CAMTA1: variants seen among roughly 807,000 people sequenced by gnomAD.
CAMTA1 encodes the protein calmodulin-binding transcription activator 1.
A neutral mutation model predicts 170.9 loss-of-function variants in CAMTA1; 27 were observed. That is an observed-to-expected ratio of 0.16 (90% CI 0.12 to 0.22). The LOEUF is 0.22. CAMTA1 is among the 10% of genes least tolerant of loss of function. The pLI, the probability that CAMTA1 is intolerant of heterozygous loss-of-function variation, is 1.00. For missense variants in CAMTA1, 1,619 were observed against 2,217.2 expected, an observed-to-expected ratio of 0.73 and a Z score of 5.42; for synonymous variants, 833 against 891.5, an observed-to-expected ratio of 0.93 and a Z score of 1.17.
intron 4 of CAMTA1, among the ~76,000 whole-genome samples, chr1:7,181,427 G>C (rs906689716): frequency 6.6e-6 from 1 of 152,228 alleles, no homozygotes; most frequent in African/African-American, 2.4e-5. Context: ...ATGAATATTA[G>C]AAAAGAAGAA....
rs919827773 is a variant in CAMTA1 at position 7,746,022 on chromosome 1, G to T, written c.4548G>T (p.Leu1516=). 3 of 1,614,052 alleles carry T rather than the reference G, an allele frequency of 1.9e-6. No homozygotes were observed. The Admixed American group carries it at 5.0e-5, about 27-fold the overall frequency. Residue 1516 remains leucine, a synonymous_variant, in exon 18 of 23, where the codon CTG becomes CTT. Coordinates refer to ENST00000303635, the MANE Select transcript of CAMTA1 (RefSeq NM_015215.4). Reference sequence around the variant, plus strand: ...AGAATGAGTTTGCTCAGCTCACTCTGTCTGATCATGAACAGAGAGAACTCT... The same window carrying T: ...AGAATGAGTTTGCTCAGCTCACTCTTTCTGATCATGAACAGAGAGAACTCT... ...KVENEFAQLT[L]SDHEQRELYE...
chr1:7,745,716 G>A (rs576046686), intron 17 of CAMTA1, 129 bp from the exon 18 acceptor site: 19 of 1,093,278 alleles, frequency 1.7e-5, no homozygotes, highest in Admixed American at 9.5e-5. Context: ...TTGCCTAACT[G>A]AATGAAGGCA....
chr1:7,403,203 A>G (rs1301274483), intron 5 of CAMTA1, among the ~76,000 whole-genome samples: 1 of 152,034 alleles, frequency 6.6e-6, no homozygotes, highest in African/African-American at 2.4e-5. Context: ...AAATACAAAA[A>G]ATTAGCCAGG....
intron 5 of CAMTA1, among the ~76,000 whole-genome samples, chr1:7,445,776 G>A (rs1036925770): frequency 7.2e-5 from 11 of 152,154 alleles, no homozygotes; most frequent in African/African-American, 1.4e-4. Flanking sequence ...CTTCCTAAGC[G>A]ATGAACATCT....
intron 6 of CAMTA1, among the ~76,000 whole-genome samples, chr1:7,478,286 G>A (rs56078703): frequency 6.6e-6 from 1 of 152,074 alleles, no homozygotes; most frequent in Non-Finnish European, 1.5e-5. Context: ...CTGTGATTAG[G>A]AACAAAACTC....
chr1:7,245,243 TAC>T lies in CAMTA1; in HGVS notation c.303-4240_303-4239del, dbSNP rs142651644. On this transcript the variant is annotated intron_variant, in intron 4 of 22. Transcript: ENST00000303635. ...ACACACACACACATACATACATACA[TAC>T]ACACACATACATACAATGTCTATAA... is the stretch of plus-strand genomic sequence containing the variant. Among the ~76,000 whole-genome samples, 1,268 of 151,172 alleles carry T rather than the reference TAC, an allele frequency of 8.4e-3. 21 individuals carry two copies. Among genetic ancestry groups the T allele is most frequent in the African/African-American group, 0.029 (1,196 of 41,308 alleles).
At chr1:7,322,165 C>G (rs1015001327) in intron 5 of CAMTA1, among the ~76,000 whole-genome samples, 2 of 152,212 alleles carry the variant, frequency 1.3e-5, no homozygotes. Context: ...TCTGGCATAA[C>G]AAACCTGCGT....
chr1:6,903,501 G>C (rs1029009465), intron 3 of CAMTA1, among the ~76,000 whole-genome samples: 2 of 152,150 alleles, frequency 1.3e-5, no homozygotes, highest in Non-Finnish European at 2.9e-5. Flanking sequence ...TGTGCATTTT[G>C]CATAACCCAA....
intron 16 of CAMTA1, among the ~76,000 whole-genome samples, chr1:7,743,174 T>G (rs995760778): frequency 1.3e-5 from 2 of 151,682 alleles, no homozygotes; most frequent in African/African-American, 4.9e-5. Context: ...TTCTTAAATT[T>G]TTTATTTTTA....
chr1:6,886,938 G>T (rs1005531795), intron 3 of CAMTA1, among the ~76,000 whole-genome samples: 1 of 152,136 alleles, frequency 6.6e-6, no homozygotes, highest in Non-Finnish European at 1.5e-5. Context: ...TTTTGTTCAT[G>T]GAAACCAGAG....
chr1:7,735,215 A>T lies in CAMTA1; in HGVS notation c.3067-1129A>T, dbSNP rs577145073. Among the ~76,000 whole-genome samples, 23 of 152,292 alleles carry T rather than the reference A, an allele frequency of 1.5e-4. No homozygotes were observed. In the East Asian group the frequency reaches 4.4e-3, roughly 29 times the overall value. On this transcript the variant is annotated intron_variant, in intron 12 of 22. Coordinates refer to ENST00000303635, the MANE Select transcript of CAMTA1 (RefSeq NM_015215.4). ...CTAATTCTCCTTCAGAAGAAGCAAGAGGCTGGGCGCGGTGGCTCATGCCAG... is the reference window on the plus strand; with the variant it reads ...CTAATTCTCCTTCAGAAGAAGCAAGTGGCTGGGCGCGGTGGCTCATGCCAG...
At chr1:7,361,078 C>T (rs2085504111) in intron 5 of CAMTA1, among the ~76,000 whole-genome samples, 1 of 152,098 alleles carries the variant, frequency 6.6e-6, no homozygotes, top group South Asian at 2.1e-4. Flanking sequence ...AATAGAAGCT[C>T]AGTTTGGCTC....
chr1:7,520,662 G>A (rs780316124), intron 6 of CAMTA1, among the ~76,000 whole-genome samples: 1 of 152,062 alleles, frequency 6.6e-6, no homozygotes, highest in Non-Finnish European at 1.5e-5. Flanking sequence ...GGGAGCACTG[G>A]CTGCAGAGTT....
At chr1:7,316,800 C>A (rs76774671) in intron 5 of CAMTA1, among the ~76,000 whole-genome samples, 1 of 152,214 alleles carries the variant, frequency 6.6e-6, no homozygotes, top group East Asian at 1.9e-4. Flanking sequence ...GAGGAAGATG[C>A]TCTGGGGGAG....
chr1:7,618,394 G>T (rs2095574494), intron 6 of CAMTA1, among the ~76,000 whole-genome samples: 1 of 152,162 alleles, frequency 6.6e-6, no homozygotes. Context: ...CCAATTCTAT[G>T]CCCACTCCTC....
chr1:7,561,381 G>A lies in CAMTA1; in HGVS notation c.511-79019G>A, dbSNP rs576316196. ...AGGCAGAGAGGCCGGCGGGCAGCAGGCCAATGGGCCAGGCAGGTGGGGCAG... is the reference window on the plus strand; with the variant it reads ...AGGCAGAGAGGCCGGCGGGCAGCAGACCAATGGGCCAGGCAGGTGGGGCAG... On this transcript the variant is annotated intron_variant, in intron 6 of 22. Coordinates refer to ENST00000303635, the MANE Select transcript of CAMTA1 (RefSeq NM_015215.4). This position sits in a 1 kb window ranked among gnomAD's most constrained non-coding sequence, Gnocchi z 5.3. 1.8e-3 allele frequency among the ~76,000 whole-genome samples: 280 copies of A among 151,964 alleles called. 2 individuals are homozygous for A. Among genetic ancestry groups the A allele is most frequent in the African/African-American group, 6.5e-3 (269 of 41,474 alleles).
At chr1:6,849,478 G>A (rs1055023733) in intron 3 of CAMTA1, among the ~76,000 whole-genome samples, 1 of 152,072 alleles carries the variant, frequency 6.6e-6, no homozygotes, top group Non-Finnish European at 1.5e-5. Flanking sequence ...AGGAAATTGA[G>A]CCTACAAAGG....
At chr1:7,756,064 T>C (rs41479450) in intron 22 of CAMTA1, among the ~76,000 whole-genome samples, 7,009 of 152,086 alleles carry the variant, frequency 0.046, 522 homozygotes, top group African/African-American at 0.16. Flanking sequence ...TGAAATTTTC[T>C]CAACGATTGC....
At chr1:7,551,061 G>T (rs904904342) in intron 6 of CAMTA1, among the ~76,000 whole-genome samples, 1 of 152,132 alleles carries the variant, frequency 6.6e-6, no homozygotes, top group South Asian at 2.1e-4. Flanking sequence ...CTGGGAAGGC[G>T]CAGGATTGGC....
Sources: gnomAD v4.1 joint callset for allele counts (sites outside exome capture counted in the v4.1 genomes callset) on GRCh38, gnomAD v4.1.1 for gene constraint, Gnocchi (gnomAD v3.1) non-coding constraint, MANE v1.5 for transcripts, NCBI Gene and HGNC (gene_info 2026-07-23, HGNC 2026-07-21) for gene names.